DNAH8: variants seen among roughly 807,000 people sequenced by gnomAD.
DNAH8 encodes axonemal beta dynein heavy chain 8.
A neutral mutation model predicts 562.1 loss-of-function variants in DNAH8; 382 were observed. The ratio of observed to expected loss-of-function variants is 0.68; its 90% CI spans 0.63 to 0.74. DNAH8 has a LOEUF of 0.74. Among genes scored for constraint, DNAH8 ranks in the 30% least tolerant of loss-of-function variants. The pLI is 0.00. For missense variants in DNAH8, 5,203 were observed against 5,620.4 expected, an observed-to-expected ratio of 0.93 and a Z score of 2.37; for synonymous variants, 1,881 against 1,919.4, an observed-to-expected ratio of 0.98 and a Z score of 0.52.
At chr6:38,964,588 C>CAA (rs1393872239) in intron 82 of DNAH8, among the ~76,000 whole-genome samples, 1 of 151,388 alleles carries the variant, frequency 6.6e-6, no homozygotes, top group Non-Finnish European at 1.5e-5. Flanking sequence ...GGTGTTTAAT[C>CAA]TAGTGCTATT....
chr6:38,832,244 C>A, intron 30 of DNAH8, 78 bp from the exon 31 acceptor site: 1 of 835,480 alleles, frequency 1.2e-6, no homozygotes, highest in Non-Finnish European at 2.0e-6. Context: ...GTGAGATACA[C>A]TTGTTGGAAT....
At chr6:39,010,832 T>C (rs1056059933) in intron 89 of DNAH8, among the ~76,000 whole-genome samples, 34 of 116,606 alleles carry the variant, frequency 2.9e-4, no homozygotes, top group African/African-American at 7.1e-4. Flanking sequence ...TATGTATGTA[T>C]GTATGTATGT....
chr6:38,759,137 T>C (rs552339390), intron 10 of DNAH8, among the ~76,000 whole-genome samples: 51 of 152,132 alleles, frequency 3.4e-4, no homozygotes, highest in African/African-American at 1.2e-3. Flanking sequence ...ACCTTGGCTC[T>C]ACAAAAAAAA....
chr6:38,839,679 T>G (rs939182997), intron 33 of DNAH8, among the ~76,000 whole-genome samples: 4 of 151,838 alleles, frequency 2.6e-5, no homozygotes, highest in African/African-American at 9.7e-5. Flanking sequence ...TTTTTTTTTT[T>G]GAGACGGAGT....
chr6:39,020,108 AT>A (rs1421401682), intron 91 of DNAH8, among the ~76,000 whole-genome samples: 1 of 152,174 alleles, frequency 6.6e-6, no homozygotes, highest in Non-Finnish European at 1.5e-5. Context: ...CAGAAATTAC[AT>A]TTTTAAATGG....
intron 33 of DNAH8, among the ~76,000 whole-genome samples, chr6:38,841,515 G>C (rs1239210307): frequency 6.6e-6 from 1 of 152,150 alleles, no homozygotes; most frequent in African/African-American, 2.4e-5. Flanking sequence ...AAGAATAAAA[G>C]TTGTGAATGT....
chr6:38,877,397 T>C, intron 53 of DNAH8, among the ~76,000 whole-genome samples: 1 of 122,574 alleles, frequency 8.2e-6, no homozygotes, highest in Non-Finnish European at 1.8e-5. Context: ...GTTTAGACAA[T>C]GATGTTTTCT....
intron 8 of DNAH8, among the ~76,000 whole-genome samples, chr6:38,745,132 A>G (rs556263225): frequency 1.3e-5 from 2 of 152,298 alleles, no homozygotes; most frequent in South Asian, 4.1e-4. Flanking sequence ...CGCTTACTGT[A>G]AAAAGGATAA....
chr6:38,976,233 C>G (rs1228678423), intron 85 of DNAH8, among the ~76,000 whole-genome samples: 2 of 152,188 alleles, frequency 1.3e-5, no homozygotes, highest in Non-Finnish European at 2.9e-5. Context: ...CAAGTTATGT[C>G]TCTCTCAGGG....
chr6:39,019,029 G>T (rs1394973912), intron 91 of DNAH8, among the ~76,000 whole-genome samples: 1 of 152,152 alleles, frequency 6.6e-6, no homozygotes, highest in African/African-American at 2.4e-5. Context: ...GGAGGAGTAG[G>T]TATAAGAATA....
intron 8 of DNAH8, among the ~76,000 whole-genome samples, chr6:38,744,770 AT>A (rs991616661): frequency 9.9e-5 from 15 of 151,466 alleles, no homozygotes; most frequent in Non-Finnish European, 1.6e-4. Flanking sequence ...TTTTTAAACA[AT>A]TTTTTTTATA....
intron 53 of DNAH8, 56 bp downstream of exon 53, chr6:38,875,884 T>A: frequency 9.0e-7 from 1 of 1,107,102 alleles, no homozygotes; most frequent in Non-Finnish European, 1.3e-6. Flanking sequence ...TGAGAAAATA[T>A]AAGCTTTCAT....
intron 26 of DNAH8, among the ~76,000 whole-genome samples, chr6:38,819,315 C>T (rs1270368796): frequency 2.6e-5 from 4 of 152,060 alleles, no homozygotes; most frequent in South Asian, 2.1e-4. Flanking sequence ...GGGGTAAGGG[C>T]AGGGAATGGG....
At chr6:38,930,793 A>G (rs911946577) in intron 75 of DNAH8, among the ~76,000 whole-genome samples, 5 of 152,158 alleles carry the variant, frequency 3.3e-5, no homozygotes, top group Admixed American at 3.3e-4. Flanking sequence ...TTGTATAATG[A>G]TTACCACAAT....
intron 88 of DNAH8, among the ~76,000 whole-genome samples, chr6:38,999,934 A>ACACACAC (rs1765374986): frequency 1.4e-5 from 2 of 146,662 alleles, no homozygotes; most frequent in Admixed American, 6.8e-5. Context: ...CACACACACA[A>ACACACAC]ACACACACAC....
intron 79 of DNAH8, among the ~76,000 whole-genome samples, chr6:38,943,152 A>T (rs964308558): frequency 2.0e-5 from 3 of 152,212 alleles, no homozygotes; most frequent in African/African-American, 7.2e-5. Flanking sequence ...ATGAGCAGGG[A>T]TGTGGCATGA....
At chr6:39,008,997 A>C in intron 89 of DNAH8, 27 bp downstream of exon 89, 1 of 1,529,456 alleles carries the variant, frequency 6.5e-7, no homozygotes, top group Non-Finnish European at 9.0e-7. Flanking sequence ...TCCCACTGGC[A>C]TACAGGGCTA....
Position 38,894,772 on chromosome 6 carries a change from A to G in DNAH8, c.8655A>G (p.Gln2885=). ...FNLRDLSRIW[Q]GMLTIKAEEC... is the part of the protein sequence containing the mutation. ...TTCGAGATCTTTCCAGAATTTGGCA[A>G]GGAATGTTGACCATAAAAGCTGAGG... The change falls in exon 59 of 93, where the codon CAA becomes CAG. Residue 2885 remains glutamine (Q), a synonymous_variant. Coordinates refer to ENST00000327475, the MANE Select transcript of DNAH8 (RefSeq NM_001206927.2). 5 of 1,614,088 alleles carry G rather than the reference A, an allele frequency of 3.1e-6. No individual in the cohort carries two copies. Among genetic ancestry groups the G allele is most frequent in the Non-Finnish European group, 4.2e-6 (5 of 1,179,980 alleles).
intron 3 of DNAH8, among the ~76,000 whole-genome samples, chr6:38,724,059 G>A (rs940740143): frequency 1.3e-5 from 2 of 151,460 alleles, no homozygotes; most frequent in African/African-American, 4.9e-5. Flanking sequence ...GCACCATCTC[G>A]GCTCACTAAC....
Sources: allele counts gnomAD v4.1 joint callset (sites outside exome capture counted in the v4.1 genomes callset), GRCh38; gene constraint gnomAD v4.1.1; transcripts MANE v1.5; gene names NCBI Gene and HGNC (gene_info 2026-07-23, HGNC 2026-07-21).